Variants in OPCML observed in about 807,000 individuals in gnomAD.
OPCML encodes opioid binding protein/cell adhesion molecule like.
In OPCML, 13 loss-of-function variants were observed where a neutral mutation model predicts 37.8. The observed-to-expected ratio is 0.34, with a 90% CI of 0.22 to 0.55. The LOEUF is 0.55. OPCML is among the 20% of genes least tolerant of loss of function. The probability of loss-of-function intolerance (pLI) is 0.91; values close to 1 mark genes in which losing one functional copy is unlikely to be tolerated. For missense variants in OPCML, 341 were observed against 435.6 expected (o/e 0.78, Z 1.93); for synonymous variants, 176 against 168.8 (o/e 1.04, Z -0.33).
chr11:133,078,155 C>T (rs1160218228), intron 1 of OPCML, among the ~76,000 whole-genome samples: 2 of 152,068 alleles, frequency 1.3e-5, no homozygotes, highest in South Asian at 2.1e-4. Context: ...ACCGGACAGA[C>T]ATACTTGAGG....
chr11:132,435,142 G>A (rs1592168587), intron 7 of OPCML: 1 of 1,267,776 alleles, frequency 7.9e-7, no homozygotes, highest in African/African-American at 1.5e-5. Context: ...AGGTAGGAAG[G>A]AACATGCTGT....
chr11:133,100,755 T>C (rs779917399), intron 1 of OPCML, among the ~76,000 whole-genome samples: 11 of 152,148 alleles, frequency 7.2e-5, no homozygotes, highest in Non-Finnish European at 1.3e-4. Context: ...CAACTAGACA[T>C]GCACATATTA....
At chr11:132,652,598 A>T (rs1396661385) in intron 3 of OPCML, among the ~76,000 whole-genome samples, 1 of 152,208 alleles carries the variant, frequency 6.6e-6, no homozygotes, top group African/African-American at 2.4e-5. Flanking sequence ...GTAAATGGAG[A>T]TAACGGTCAC....
chr11:132,914,439 TTAC>T (rs1284721403), intron 2 of OPCML, among the ~76,000 whole-genome samples: 3 of 152,354 alleles, frequency 2.0e-5, no homozygotes, highest in African/African-American at 7.2e-5. Context: ...TCGTTTAGAT[TTAC>T]TACATGTTAC....
At chr11:133,250,518 GGGAAGGGAGGGAGGGAGGGAAGGAA>G (rs1424542877) in intron 1 of OPCML, among the ~76,000 whole-genome samples, 3 of 122,778 alleles carry the variant, frequency 2.4e-5, no homozygotes, top group Non-Finnish European at 3.4e-5. Context: ...GAGAGAGGGA[GGGAAGGGAGGGAGGGAGGGAAGGAA>G]GGAAGGAAGG....
At chr11:132,623,390 G>A (rs140133429) in intron 3 of OPCML, among the ~76,000 whole-genome samples, 15 of 151,748 alleles carry the variant, frequency 9.9e-5, no homozygotes, top group African/African-American at 3.1e-4. Context: ...AAACAGAGCT[G>A]ATTAATGACT....
intron 1 of OPCML, among the ~76,000 whole-genome samples, chr11:133,082,669 G>C (rs1211150758): frequency 2.7e-5 from 2 of 73,824 alleles, no homozygotes; most frequent in East Asian, 4.9e-4. Context: ...CCCTCGGCAC[G>C]GCACGGCCCT....
At chr11:132,527,252 G>A (rs2096310854) in intron 4 of OPCML, among the ~76,000 whole-genome samples, 1 of 152,134 alleles carries the variant, frequency 6.6e-6, no homozygotes, top group African/African-American at 2.4e-5. Context: ...ATGCCTAGGA[G>A]TGGAATTGCT....
intron 3 of OPCML, among the ~76,000 whole-genome samples, chr11:132,554,872 T>A: frequency 7.6e-6 from 1 of 131,184 alleles, no homozygotes; most frequent in East Asian, 2.4e-4. Context: ...AGTTTTTTTT[T>A]TTTTTTTTTT....
intron 2 of OPCML, among the ~76,000 whole-genome samples, chr11:132,928,825 A>G (rs1429062380): frequency 6.6e-6 from 1 of 152,074 alleles, no homozygotes; most frequent in South Asian, 2.1e-4. Context: ...GGAAAACTGG[A>G]AAATCTACAA....
chr11:132,922,036 C>A (rs527436942), intron 2 of OPCML, among the ~76,000 whole-genome samples: 7 of 152,030 alleles, frequency 4.6e-5, no homozygotes, highest in African/African-American at 1.7e-4. Flanking sequence ...CCTGCCACTG[C>A]GCCCGGCTAA....
chr11:132,954,607 A>G (rs530356087), intron 1 of OPCML, among the ~76,000 whole-genome samples: 1 of 152,322 alleles, frequency 6.6e-6, no homozygotes, highest in African/African-American at 2.4e-5. Context: ...GGGCTGGTGA[A>G]ACATCCAAGT....
At chr11:133,192,844 A>G (rs190854953) in intron 1 of OPCML, among the ~76,000 whole-genome samples, 1 of 151,454 alleles carries the variant, frequency 6.6e-6, no homozygotes, top group Admixed American at 6.6e-5. Context: ...CAACAGCATT[A>G]GTTGCTTCGT....
chr11:132,663,365 A>G (rs1942070346), intron 2 of OPCML, among the ~76,000 whole-genome samples: 2 of 152,252 alleles, frequency 1.3e-5, no homozygotes, highest in South Asian at 4.1e-4. Context: ...GTCTTTCTGC[A>G]GGATAACTGA....
chr11:133,106,295 T>C (rs995629181), intron 1 of OPCML, among the ~76,000 whole-genome samples: 2 of 152,228 alleles, frequency 1.3e-5, no homozygotes, highest in African/African-American at 4.8e-5. Flanking sequence ...ACGCTGTCCA[T>C]TTGGGCCTGC....
At chr11:133,272,592 C>T (rs538425145) in intron 1 of OPCML, among the ~76,000 whole-genome samples, 22 of 152,092 alleles carry the variant, frequency 1.4e-4, no homozygotes, top group Non-Finnish European at 2.2e-4. Flanking sequence ...GGCCCGGGGA[C>T]GCTCGGGGCA....
intron 2 of OPCML, among the ~76,000 whole-genome samples, chr11:132,911,049 A>G (rs1236370221): frequency 6.6e-6 from 1 of 152,244 alleles, no homozygotes; most frequent in Non-Finnish European, 1.5e-5. Context: ...CCAAGATCAT[A>G]CATCTGGATA....
rs187090169 is a variant in OPCML, at chr11:133,523,318, C to T, written c.61+8946G>A. 4.6e-5 allele frequency among the ~76,000 whole-genome samples: 7 copies of T among 152,266 alleles called. No homozygotes were observed. The East Asian group carries it at 9.7e-4, about 21-fold the overall frequency. ...ATACAAGCAGGAACCTGAGGACGGA[C>T]GCTCTTCTCAGCACTCTCCCAGGAG... On this transcript the variant is annotated intron_variant, in intron 1 of 7. Transcript: ENST00000524381.
chr11:132,445,708 G>A (rs1234468109), intron 4 of OPCML, among the ~76,000 whole-genome samples: 4 of 152,144 alleles, frequency 2.6e-5, no homozygotes, highest in Admixed American at 2.0e-4. Flanking sequence ...GGACTCTAAT[G>A]TACAGTCAGG....
Sources: gnomAD v4.1 joint callset for allele counts (sites outside exome capture counted in the v4.1 genomes callset) on GRCh38, gnomAD v4.1.1 for gene constraint, MANE v1.5 for transcripts, NCBI Gene and HGNC (gene_info 2026-07-23, HGNC 2026-07-21) for gene names.